Variants in CHST11 observed in about 807,000 individuals in gnomAD.
CHST11 encodes carbohydrate sulfotransferase 11.
CHST11 carries 9 observed loss-of-function variants against 30.4 expected under a neutral mutation model. The ratio of observed to expected loss-of-function variants is 0.30; its 90% CI spans 0.18 to 0.52. The LOEUF (loss-of-function observed/expected upper bound fraction) is 0.52. CHST11 is among the 20% of genes least tolerant of loss of function. The pLI is 0.97. For missense variants in CHST11, 348 were observed against 460.6 expected (o/e 0.76, Z 2.24); for synonymous variants, 152 against 187.8 (o/e 0.81, Z 1.56).
chr12:104,656,500 TATC>T (rs1216140105), intron 2 of CHST11, among the ~76,000 whole-genome samples: 1 of 152,156 alleles, frequency 6.6e-6, no homozygotes, highest in East Asian at 1.9e-4. Context: ...GATCCAGTCT[TATC>T]ATCTCGTGTC....
intron 2 of CHST11, among the ~76,000 whole-genome samples, chr12:104,679,840 A>G (rs897699021): frequency 6.6e-6 from 1 of 152,190 alleles, no homozygotes; most frequent in African/African-American, 2.4e-5. Flanking sequence ...GGCTCCTCAC[A>G]GCATCTCTGA....
chr12:104,511,621 GA>G (rs1023613191), intron 1 of CHST11, among the ~76,000 whole-genome samples: 7 of 152,218 alleles, frequency 4.6e-5, no homozygotes, highest in Middle Eastern at 3.2e-3. Context: ...CTTTGGAACT[GA>G]AATGTTCTGG....
chr12:104,652,900 A>ACGCTCCCTACG (rs1247235816), intron 2 of CHST11, among the ~76,000 whole-genome samples: 1 of 152,052 alleles, frequency 6.6e-6, no homozygotes, highest in Non-Finnish European at 1.5e-5. Context: ...CGCTCCCTAC[A>ACGCTCCCTACG]CACTCCCTAC....
chr12:104,501,460 T>G (rs538865212), intron 1 of CHST11, among the ~76,000 whole-genome samples: 1 of 152,346 alleles, frequency 6.6e-6, no homozygotes, highest in Admixed American at 6.5e-5. Context: ...TTTTTCTCCC[T>G]CTTAGGAAAT....
chr12:104,628,224 C>T (rs1360592218), intron 2 of CHST11, among the ~76,000 whole-genome samples: 4 of 152,178 alleles, frequency 2.6e-5, no homozygotes, highest in African/African-American at 4.8e-5. Flanking sequence ...TGCAGTTGTC[C>T]TGCTTAATCC....
intron 2 of CHST11, among the ~76,000 whole-genome samples, chr12:104,605,155 A>G (rs1350306114): frequency 8.0e-6 from 1 of 124,782 alleles, no homozygotes; most frequent in Non-Finnish European, 1.5e-5. Context: ...CCCTCTCCAA[A>G]AAAAAAAAAA....
Position 104,545,585 on chromosome 12 carries a change from G to C in CHST11, c.119-56321G>C, listed in dbSNP as rs143696004. On this transcript the variant is annotated intron_variant, in intron 1 of 2. Coordinates refer to ENST00000303694, the MANE Select transcript of CHST11 (RefSeq NM_018413.6). ...ACTTAATCTTACTATCACTGTACCA[G>C]GTTCCATAAAGATGATGCCTTGGTC... Among the ~76,000 whole-genome samples, 55 of 152,294 alleles carry C rather than the reference G, an allele frequency of 3.6e-4. 3 individuals are homozygous for C. In the South Asian group the frequency reaches 3.7e-3, roughly 10 times the overall value.
chr12:104,507,100 AG>A (rs1314117601), intron 1 of CHST11, among the ~76,000 whole-genome samples: 2 of 152,168 alleles, frequency 1.3e-5, no homozygotes, highest in Non-Finnish European at 2.9e-5. Flanking sequence ...TTTGGAGGGA[AG>A]GGTCTGAGCT....
intron 2 of CHST11, among the ~76,000 whole-genome samples, chr12:104,651,530 C>T (rs2039489162): frequency 6.6e-6 from 1 of 152,246 alleles, no homozygotes; most frequent in South Asian, 2.1e-4. Flanking sequence ...GTGGGAGAAG[C>T]CCAGACCTCT....
intron 1 of CHST11, among the ~76,000 whole-genome samples, chr12:104,535,987 A>G (rs1234278173): frequency 6.6e-6 from 1 of 152,212 alleles, no homozygotes; most frequent in African/African-American, 2.4e-5. Context: ...AGCTGTTTTC[A>G]ATGGTGCATC....
At chr12:104,710,359 G>A (rs1053180168) in intron 2 of CHST11, among the ~76,000 whole-genome samples, 1 of 152,160 alleles carries the variant, frequency 6.6e-6, no homozygotes, top group African/African-American at 2.4e-5. Context: ...CTCCAGACTG[G>A]GCAGACATTC....
At chr12:104,642,673 T>C (rs2039388663) in intron 2 of CHST11, among the ~76,000 whole-genome samples, 1 of 152,042 alleles carries the variant, frequency 6.6e-6, no homozygotes, top group South Asian at 2.1e-4. Context: ...GTGTTAGTAT[T>C]ACAGCTATGA....
intron 2 of CHST11, among the ~76,000 whole-genome samples, chr12:104,664,557 G>C (rs988666172): frequency 1.3e-5 from 2 of 152,088 alleles, no homozygotes; most frequent in Admixed American, 6.5e-5. Flanking sequence ...AATGTTACAA[G>C]TGCAAACAGC....
chr12:104,472,049 C>T (rs2037514702), intron 1 of CHST11, among the ~76,000 whole-genome samples: 1 of 152,116 alleles, frequency 6.6e-6, no homozygotes, highest in African/African-American at 2.4e-5. Context: ...CAACTTTGAC[C>T]TCCTGGGCTC....
chr12:104,579,693 G>T (rs992279673), intron 1 of CHST11, among the ~76,000 whole-genome samples: 42 of 152,314 alleles, frequency 2.8e-4, no homozygotes, highest in African/African-American at 8.9e-4. Flanking sequence ...TCAGCAGCCC[G>T]GCAGGGGAGG....
At chr12:104,492,486 C>T (rs545008328) in intron 1 of CHST11, among the ~76,000 whole-genome samples, 5 of 152,300 alleles carry the variant, frequency 3.3e-5, no homozygotes, top group African/African-American at 7.2e-5. Flanking sequence ...TGTCTCTCTG[C>T]CCCTCACTAT....
chr12:104,622,301 A>G (rs1351707040), intron 2 of CHST11, among the ~76,000 whole-genome samples: 1 of 152,258 alleles, frequency 6.6e-6, no homozygotes, highest in African/African-American at 2.4e-5. Context: ...ATGGGTTCCT[A>G]TAGGTAGGAG....
chr12:104,635,762 G>A (rs190623903), intron 2 of CHST11, among the ~76,000 whole-genome samples: 86 of 152,338 alleles, frequency 5.6e-4, no homozygotes, highest in Non-Finnish European at 5.9e-5. Flanking sequence ...CTTTGCAAAT[G>A]TTGGGGCGTG....
Position 104,561,793 on chromosome 12 carries a change from AT to A in CHST11, c.119-40097del, listed in dbSNP as rs60344528. ...CTGCGTAGGTCCCATTATTAGGTCC[AT>A]TTTTTTTTTTTTTTTGAGACAGAGT... is the stretch of plus-strand genomic sequence containing the variant. On this transcript the variant is annotated intron_variant, in intron 1 of 2. Transcript: ENST00000303694. Among the ~76,000 whole-genome samples the A allele has an allele frequency of 5.6e-3, 793 of 141,902 alleles. 8 individuals are homozygous for A. Among genetic ancestry groups the A allele is most frequent in the East Asian group, 0.022 (105 of 4,840 alleles). The allele number at this position is 141,902 out of a possible 152,430, so 93.1% of individuals were successfully genotyped here.
Sources: gnomAD v4.1 joint callset for allele counts (sites outside exome capture counted in the v4.1 genomes callset) on GRCh38, gnomAD v4.1.1 for gene constraint, MANE v1.5 for transcripts, NCBI Gene and HGNC (gene_info 2026-07-23, HGNC 2026-07-21) for gene names.